EYS: variants seen among roughly 807,000 people sequenced by gnomAD.
EYS encodes the protein EGF-like photoreceptor maintenance factor.
Under a neutral mutation model 282.1 loss-of-function variants are expected in EYS, and 250 were observed. That is an observed-to-expected ratio of 0.89 (90% confidence interval 0.80 to 0.98). The LOEUF is 0.98. Ranked by LOEUF, EYS falls within the 50% of genes least tolerant of loss-of-function variation. The probability of loss-of-function intolerance (pLI) is 0.00; values close to 1 mark genes in which losing one functional copy is unlikely to be tolerated. For synonymous variants in EYS, 1,355 were observed against 1,282.9 expected (o/e 1.06, Z -1.20); for missense variants, 4,016 against 3,709.0 (o/e 1.08, Z -2.15).
At chr6:64,960,974 A>G (rs1769893730) in intron 14 of EYS, among the ~76,000 whole-genome samples, 1 of 152,186 alleles carries the variant, frequency 6.6e-6, no homozygotes, top group African/African-American at 2.4e-5. Flanking sequence ...ATATCCCTGC[A>G]AAGACATGAT....
chr6:64,612,705 A>G (rs1405957144), intron 24 of EYS, among the ~76,000 whole-genome samples: 2 of 152,054 alleles, frequency 1.3e-5, no homozygotes, highest in Non-Finnish European at 2.9e-5. Context: ...ACAGCTTCCC[A>G]TCTCCCTACC....
intron 34 of EYS, among the ~76,000 whole-genome samples, chr6:63,997,444 C>T (rs367764248): frequency 6.6e-6 from 1 of 152,156 alleles, no homozygotes. Flanking sequence ...CAGTGATTCA[C>T]CCAGGCTTAG....
At chr6:64,486,643 T>C (rs1776585852) in intron 26 of EYS, among the ~76,000 whole-genome samples, 1 of 151,424 alleles carries the variant, frequency 6.6e-6, no homozygotes, top group African/African-American at 2.4e-5. Flanking sequence ...CCTGGATCTG[T>C]TTCTAAGGAA....
chr6:63,721,242 T>A lies in EYS; in HGVS notation c.8789A>T (p.Asp2930Val). The change falls in exon 43 of 43, where the codon GAC becomes GTC. Residue 2930 changes from aspartate (D) to valine (V), a missense_variant. By Grantham distance (152) the Asp-to-Val change is radical (BLOSUM62 -3). Transcript: ENST00000503581. The part of the protein sequence containing the change: ...LCLHQSLCIP[D>V]QSFSYSCLCT... ...CAGGCAACTGTAAGAAAATGATTGG[T>A]CAGGTATACATAAAGATTGGTGGAG... The A allele has an allele frequency of 6.4e-7, 1 of 1,551,816 alleles. No homozygotes were observed. The highest frequency in any genetic ancestry group is 1.2e-5 in the South Asian group (1 of 84,060).
intron 2 of EYS, among the ~76,000 whole-genome samples, chr6:65,505,524 G>T (rs996941694): frequency 2.0e-5 from 3 of 151,870 alleles, no homozygotes; most frequent in African/African-American, 7.3e-5. Flanking sequence ...TCTAATATAT[G>T]CATTTAATGT....
chr6:64,399,327 T>C (rs1773475596), intron 28 of EYS, among the ~76,000 whole-genome samples: 1 of 151,832 alleles, frequency 6.6e-6, no homozygotes, highest in African/African-American at 2.4e-5. Flanking sequence ...CTTTTATAAT[T>C]ATATCAATTG....
intron 12 of EYS, among the ~76,000 whole-genome samples, chr6:65,185,808 T>C (rs1765503817): frequency 6.6e-6 from 1 of 151,804 alleles, no homozygotes; most frequent in African/African-American, 2.4e-5. Flanking sequence ...CTACTATTTA[T>C]AGTATGTTCT....
At chr6:65,604,827 T>C (rs1409656018) in intron 2 of EYS, among the ~76,000 whole-genome samples, 2 of 147,288 alleles carry the variant, frequency 1.4e-5, no homozygotes, top group African/African-American at 2.5e-5. Context: ...AAAAGACCTT[T>C]AAATTCACTG....
chr6:65,137,432 A>T (rs931104693), intron 12 of EYS, among the ~76,000 whole-genome samples: 2 of 152,104 alleles, frequency 1.3e-5, no homozygotes, highest in African/African-American at 4.8e-5. Flanking sequence ...ACTGTGGGCC[A>T]TGATAAAGAC....
intron 13 of EYS, among the ~76,000 whole-genome samples, chr6:65,047,011 C>T (rs1471644623): frequency 6.6e-6 from 1 of 151,812 alleles, no homozygotes; most frequent in African/African-American, 2.4e-5. Flanking sequence ...GCTTCCCCTT[C>T]ACCTTCTGCT....
At chr6:65,076,753 G>T (rs1039298990) in intron 12 of EYS, among the ~76,000 whole-genome samples, 3 of 151,368 alleles carry the variant, frequency 2.0e-5, no homozygotes, top group Non-Finnish European at 4.4e-5. Context: ...AATCTAAGAG[G>T]CATGCTGAGT....
intron 2 of EYS, among the ~76,000 whole-genome samples, chr6:65,559,251 C>T (rs1768937782): frequency 1.3e-5 from 2 of 152,032 alleles, no homozygotes; most frequent in South Asian, 2.1e-4. Flanking sequence ...GGCATGGTGG[C>T]TTATCCTGGA....
In EYS at chr6:64,049,645, T is replaced by A. The variant is rs1320507746; in HGVS notation, c.6725+16693A>T. Among the ~76,000 whole-genome samples, 6 of 152,174 alleles carry A rather than the reference T, an allele frequency of 3.9e-5. 1 individual carries two copies. The South Asian group carries it at 8.3e-4, about 21-fold the overall frequency. On this transcript the variant is annotated intron_variant, in intron 33 of 42. Coordinates refer to ENST00000503581, the MANE Select transcript of EYS (RefSeq NM_001142800.2). ...TACAGACTTTTGGAAAAGACATCCC[T>A]GTATGTAGCTTGTATTAGCCCAACT...
chr6:64,530,979 AC>A (rs2150531544), intron 26 of EYS, among the ~76,000 whole-genome samples: 2 of 152,064 alleles, frequency 1.3e-5, no homozygotes, highest in African/African-American at 2.4e-5. Context: ...CCCACCTCTA[AC>A]CTTTGATATG....
At chr6:64,935,180 A>G (rs2150089426) in intron 15 of EYS, among the ~76,000 whole-genome samples, 1 of 151,928 alleles carries the variant, frequency 6.6e-6, no homozygotes, top group Non-Finnish European at 1.5e-5. Context: ...AAAGTGGTAT[A>G]TCAGAAAAAA....
intron 22 of EYS, among the ~76,000 whole-genome samples, chr6:64,701,873 T>A (rs561703456): frequency 6.6e-6 from 1 of 152,140 alleles, no homozygotes; most frequent in South Asian, 2.1e-4. Flanking sequence ...AACTCAAAAA[T>A]TAAAAGAGCA....
chr6:64,185,541 C>T (rs1451012148), intron 31 of EYS, among the ~76,000 whole-genome samples: 1 of 152,120 alleles, frequency 6.6e-6, no homozygotes, highest in Non-Finnish European at 1.5e-5. Context: ...TTTATGTAGA[C>T]ACGGAAAGGC....
intron 22 of EYS, among the ~76,000 whole-genome samples, chr6:64,648,301 G>C (rs1287575316): frequency 6.6e-6 from 1 of 152,112 alleles, no homozygotes; most frequent in African/African-American, 2.4e-5. Flanking sequence ...GACAACCATA[G>C]ACTCCCAGAA....
chr6:64,107,560 A>G (rs1400550173), intron 31 of EYS, among the ~76,000 whole-genome samples: 1 of 151,768 alleles, frequency 6.6e-6, no homozygotes, highest in Non-Finnish European at 1.5e-5. Context: ...CCACCAGATA[A>G]AGGGTGGATC....
Sources: gnomAD v4.1 joint callset for allele counts (sites outside exome capture counted in the v4.1 genomes callset) on GRCh38, gnomAD v4.1.1 for gene constraint, MANE v1.5 for transcripts, NCBI Gene and HGNC (gene_info 2026-07-23, HGNC 2026-07-21) for gene names.